CAMK1: variants seen among roughly 807,000 people sequenced by gnomAD.
CAMK1 encodes calcium/calmodulin dependent protein kinase I, also known as calcium/calmodulin-dependent protein kinase type 1.
In CAMK1, 39 loss-of-function variants were observed where a neutral mutation model predicts 49.1. The ratio of observed to expected loss-of-function variants is 0.79; its 90% CI spans 0.62 to 1.04. CAMK1 has a LOEUF of 1.04. Among genes scored for constraint, CAMK1 ranks in the 50% least tolerant of loss-of-function variants. The pLI, the probability that CAMK1 is intolerant of heterozygous loss-of-function variation, is 0.00. For missense variants in CAMK1, 457 were observed against 472.2 expected, an observed-to-expected ratio of 0.97 and a Z score of 0.30; for synonymous variants, 192 against 185.2, an observed-to-expected ratio of 1.04 and a Z score of -0.30.
chr3:9,760,845 A>G (rs2077828408), intron 7 of CAMK1, 77 bp from the exon 8 acceptor site: 2 of 1,594,750 alleles, frequency 1.3e-6, no homozygotes, highest in Admixed American at 1.8e-5. Context: ...GGGCAGTCTC[A>G]GGGGTCAGGC....
rs759519669 is a variant in CAMK1 at position 9,763,253 on chromosome 3, T to C, written c.216-40A>G. The C allele has an allele frequency of 2.5e-6, 4 of 1,612,576 alleles. No individual in the cohort carries two copies. The South Asian group carries it at 4.4e-5, about 18-fold the overall frequency. ...GAGGTGGTTTAGCCAGGCATGGCGGTGTGCACCTGTAGTCCAAGCTACTTG... is the reference window on the plus strand; with the variant it reads ...GAGGTGGTTTAGCCAGGCATGGCGGCGTGCACCTGTAGTCCAAGCTACTTG... On this transcript the variant is annotated intron_variant, in intron 3 of 11. Coordinates refer to ENST00000256460, the MANE Select transcript of CAMK1 (RefSeq NM_003656.5).
Position 9,761,760 on chromosome 3 carries a change from T to G in CAMK1, c.430-3A>C, listed in dbSNP as rs572307672. 6.2e-7 allele frequency: 1 copy of G among 1,613,894 alleles called. No individual in the cohort carries two copies. Among genetic ancestry groups the G allele is most frequent in the East Asian group, 2.2e-5 (1 of 44,866 alleles). On this transcript the variant is annotated splice_region_variant and splice_polypyrimidine_tract_variant and intron_variant, in intron 5 of 11. Coordinates refer to ENST00000256460, the MANE Select transcript of CAMK1 (RefSeq NM_003656.5). ...CTGTAGTACAGCAGATTCTCTGGCT[T>G]GAAGGGCAGGAGGGAAGAGAAGGGG...
At chr3:9,758,927 G>C in intron 10 of CAMK1, 1 of 437,794 alleles carries the variant, frequency 2.3e-6, no homozygotes, top group Non-Finnish European at 4.3e-6. Context: ...ACCATGCCTG[G>C]CCCTGAGAGC....
Position 9,766,319 on chromosome 3 carries a change from C to CT in CAMK1, c.84-430dup, listed in dbSNP as rs2125594858. ...CTCTGGATCCAGCCATGCCTGAGGT[C>CT]TACCCCTGGGCTTTTGGATTATGTG... On this transcript the variant is annotated intron_variant, in intron 2 of 11. Transcript: ENST00000256460. The CT allele has an allele frequency of 1.6e-5, 11 of 694,098 alleles. No homozygotes were observed. In the South Asian group the frequency reaches 1.7e-4, roughly 10 times the overall value. 43.0% of individuals were successfully genotyped at this position (694,098 alleles called of 1,614,324 possible).
chr3:9,757,485 C>A lies in CAMK1; in HGVS notation c.*54G>T, dbSNP rs569042346. 1.2e-6 allele frequency: 2 copies of A among 1,602,498 alleles called. No individual in the cohort carries two copies. The highest frequency in any genetic ancestry group is 4.5e-5 in the East Asian group (2 of 44,688). ...TCCCGGTTCAGGGAGGGAAGGGGAG[C>A]AGGCTGCCCCCAAGCCCTCCCACGC... On this transcript the variant is annotated 3_prime_UTR_variant, in exon 12 of 12. Transcript: ENST00000256460. The surrounding 1 kb of genome is among the most constrained non-coding windows in gnomAD (Gnocchi z 4.5).
At chr3:9,765,463 G>T (rs893338267) in intron 3 of CAMK1, among the ~76,000 whole-genome samples, 6 of 152,146 alleles carry the variant, frequency 3.9e-5, no homozygotes, top group African/African-American at 1.4e-4. Context: ...CACCAACTGA[G>T]ATATGTGGGT....
At chr3:9,764,334 TG>T (rs1231107655) in intron 3 of CAMK1, among the ~76,000 whole-genome samples, 4 of 152,172 alleles carry the variant, frequency 2.6e-5, no homozygotes, top group Admixed American at 1.3e-4. Context: ...TTACTCTTGT[TG>T]CTCAGGCTGG....
At chr3:9,758,166 T>G (rs1264676228) in intron 10 of CAMK1, 1 of 202,498 alleles carries the variant, frequency 4.9e-6, no homozygotes, top group African/African-American at 2.3e-5. Context: ...GTAATTCATT[T>G]AATCTTCATG....
In CAMK1 at chr3:9,757,817, C is replaced by T. The variant is rs1045030390; in HGVS notation, c.942G>A (p.Arg314=). 1 of 1,611,934 alleles carries T rather than the reference C, an allele frequency of 6.2e-7. No individual in the cohort carries two copies. The highest frequency in any genetic ancestry group is 8.5e-7 in the Non-Finnish European group (1 of 1,178,230). Reference sequence around the variant, plus strand: ...TGCCCAGCTGCAGTTTCCTCATGTGCCGCACCACAGCCGTGGCATTGAAGG... The same window carrying T: ...TGCCCAGCTGCAGTTTCCTCATGTGTCGCACCACAGCCGTGGCATTGAAGG... ...KQAFNATAVV[R]HMRKLQLGTS... Residue 314 remains arginine, a synonymous_variant, in exon 11 of 12, where the codon CGG becomes CGA. Transcript: ENST00000256460. The surrounding 1 kb of genome is among the most constrained non-coding windows in gnomAD (Gnocchi z 4.5).
rs1347280449 is a variant in CAMK1, at chr3:9,757,614, T to G, written c.1038A>C (p.Ala346=). ...ELLTPVAGGP[A]AGCCCRDCCV... ...AGCAGTCTCGACAGCAACAGCCAGC[T>G]GCCGGCCCTGCATGGGAAGACAGAA... Residue 346 remains alanine, a synonymous_variant, in exon 12 of 12, where the codon GCA becomes GCC. Transcript: ENST00000256460. The surrounding 1 kb of genome is among the most constrained non-coding windows in gnomAD (Gnocchi z 4.5). The G allele has an allele frequency of 3.7e-6, 6 of 1,614,168 alleles. No homozygotes were observed. The highest frequency in any genetic ancestry group is 3.3e-4 in the Middle Eastern group (2 of 6,062).
At chr3:9,762,881 T>C (rs1264350932) in intron 5 of CAMK1, 33 bp downstream of exon 5, 1 of 1,610,834 alleles carries the variant, frequency 6.2e-7, no homozygotes, top group South Asian at 1.1e-5. Flanking sequence ...CACCCCTGGG[T>C]ACCCTAGCTC....
chr3:9,761,627 G>A lies in CAMK1; in HGVS notation c.556+4C>T, dbSNP rs373676357. Reference sequence around the variant, plus strand: ...TCACAGCCCCAGCCCAGGGCCCTCCGCACCCACGTATCCCGGAGTTCCACA... The same window carrying A: ...TCACAGCCCCAGCCCAGGGCCCTCCACACCCACGTATCCCGGAGTTCCACA... On this transcript the variant is annotated splice_donor_region_variant and intron_variant, in intron 6 of 11. Transcript: ENST00000256460. 1.3e-4 allele frequency: 212 copies of A among 1,613,924 alleles called. No homozygotes were observed. The highest frequency in any genetic ancestry group is 1.7e-4 in the Non-Finnish European group (199 of 1,179,976).
intron 3 of CAMK1, 62 bp from the exon 4 acceptor site, chr3:9,763,275 C>G (rs114080618): frequency 1.2e-6 from 2 of 1,603,712 alleles, no homozygotes; most frequent in African/African-American, 2.7e-5. Flanking sequence ...GTCCAAGCTA[C>G]TTGGGAACTT....
chr3:9,759,903 C>G (rs2077767295), intron 8 of CAMK1, 153 bp from the exon 9 acceptor site: 1 of 1,251,208 alleles, frequency 8.0e-7, no homozygotes, highest in Non-Finnish European at 1.1e-6. Flanking sequence ...TGCTCTTCTT[C>G]AGGCCCTCCC....
At chr3:9,766,340 A>G (rs1394154726) in intron 2 of CAMK1, 2 of 683,442 alleles carry the variant, frequency 2.9e-6, no homozygotes, top group African/African-American at 1.8e-5. Flanking sequence ...CTTTTGGATT[A>G]TGTGTACAGT....
intron 2 of CAMK1, 109 bp downstream of exon 2, chr3:9,767,558 C>T: frequency 1.4e-6 from 2 of 1,428,916 alleles, no homozygotes; most frequent in Admixed American, 3.6e-5. Flanking sequence ...ATAGTGCTGC[C>T]ACAGGGCCTG....
At chr3:9,766,380 TC>T in intron 2 of CAMK1, 3 of 606,868 alleles carry the variant, frequency 4.9e-6, no homozygotes, top group Non-Finnish European at 9.1e-6. Flanking sequence ...CTAATTCGAG[TC>T]ATGGCTAATT....
At chr3:9,759,095 C>T (rs2077723854) in intron 10 of CAMK1, 2 of 1,053,968 alleles carry the variant, frequency 1.9e-6, no homozygotes. Flanking sequence ...CCCCTCAGCC[C>T]CTCCAGTCTG....
At chr3:9,767,467 A>C (rs538581508) in intron 2 of CAMK1, among the ~76,000 whole-genome samples, 200 bp downstream of exon 2, 37 of 152,236 alleles carry the variant, frequency 2.4e-4, no homozygotes, top group African/African-American at 8.9e-4. Flanking sequence ...CTCTTCAAGA[A>C]CCCAGGGCTA....
Sources: gnomAD v4.1 joint callset for allele counts (sites outside exome capture counted in the v4.1 genomes callset) on GRCh38, gnomAD v4.1.1 for gene constraint, Gnocchi (gnomAD v3.1) non-coding constraint, MANE v1.5 for transcripts, NCBI Gene and HGNC (gene_info 2026-07-23, HGNC 2026-07-21) for gene names.